Variants in TANK observed in about 807,000 individuals in gnomAD.
The protein encoded by TANK is TRAF family member-associated NF-kappa-B activator.
Under a neutral mutation model 43.6 loss-of-function variants are expected in TANK, and 15 were observed. That is an observed-to-expected ratio of 0.34 (90% CI 0.23 to 0.53). The LOEUF (loss-of-function observed/expected upper bound fraction) is 0.53. Among genes scored for constraint, TANK ranks in the 20% least tolerant of loss-of-function variants. The probability of loss-of-function intolerance (pLI) is 0.94; values close to 1 mark genes in which losing one functional copy is unlikely to be tolerated. For missense variants in TANK, 417 were observed against 498.6 expected (o/e 0.84, Z 1.56); for synonymous variants, 162 against 178.2 (o/e 0.91, Z 0.73).
intron 2 of TANK, among the ~76,000 whole-genome samples, chr2:161,196,312 G>C (rs771063677): frequency 6.6e-6 from 1 of 152,090 alleles, no homozygotes; most frequent in African/African-American, 2.4e-5. Context: ...GCTTCCCCAG[G>C]AACAGTTGGC....
At chr2:161,166,619 T>A (rs374512932) in intron 1 of TANK, among the ~76,000 whole-genome samples, 1 of 152,248 alleles carries the variant, frequency 6.6e-6, no homozygotes, top group African/African-American at 2.4e-5. Context: ...GTAACTAAGA[T>A]ACAGAAAAGA....
chr2:161,230,906 G>A, intron 6 of TANK, 65 bp from the exon 7 acceptor site: 1 of 1,254,290 alleles, frequency 8.0e-7, no homozygotes, highest in South Asian at 1.3e-5. Context: ...CTCCAAAGCT[G>A]ATTGAACAGA....
intron 2 of TANK, among the ~76,000 whole-genome samples, chr2:161,196,070 G>T (rs1412782587): frequency 6.6e-6 from 1 of 152,120 alleles, no homozygotes; most frequent in Non-Finnish European, 1.5e-5. Context: ...GCAAGACAGA[G>T]CTCCGAAAGA....
chr2:161,211,626 TA>T, intron 4 of TANK: 1 of 308,236 alleles, frequency 3.2e-6, no homozygotes, highest in Non-Finnish European at 4.7e-6. Context: ...GCACCTCTTC[TA>T]AAAGAGGAAC....
chr2:161,214,119 A>G (rs1376339652), intron 4 of TANK, among the ~76,000 whole-genome samples: 1 of 152,224 alleles, frequency 6.6e-6, no homozygotes, highest in African/African-American at 2.4e-5. Flanking sequence ...TGTGACAGGT[A>G]CAGGTCTTCC....
intron 2 of TANK, among the ~76,000 whole-genome samples, chr2:161,201,806 C>T (rs1487996893): frequency 6.6e-6 from 1 of 152,124 alleles, no homozygotes; most frequent in Non-Finnish European, 1.5e-5. Context: ...AATAAGATGT[C>T]TTATCCTGGG....
Position 161,231,280 on chromosome 2 carries a change from C to A in TANK, c.830C>A (p.Pro277Gln). 1 of 1,614,096 alleles carries A rather than the reference C, an allele frequency of 6.2e-7. No individual in the cohort carries two copies. Residue 277 changes from proline to glutamine, a missense_variant, in exon 7 of 8, where the codon CCA becomes CAA. By Grantham distance (76) the Pro-to-Gln change is moderately conservative. Transcript: ENST00000392749. ...EKFNMEFRDN[P>Q]GNFVKTEETL... ...TTTAATATGGAGTTCAGAGACAACC[C>A]AGGGAACTTTGTTAAAACAGAAGAA...
chr2:161,181,700 G>A (rs572662162), intron 2 of TANK, among the ~76,000 whole-genome samples: 2 of 152,158 alleles, frequency 1.3e-5, no homozygotes, highest in East Asian at 1.9e-4. Context: ...GGGAAAATCC[G>A]CCTCCATGAT....
chr2:161,153,417 C>T (rs1029053139), intron 1 of TANK, among the ~76,000 whole-genome samples: 2 of 151,520 alleles, frequency 1.3e-5, no homozygotes, highest in Admixed American at 6.6e-5. Context: ...GGGTGTGATC[C>T]CTATTCACAC....
intron 4 of TANK, among the ~76,000 whole-genome samples, chr2:161,208,705 C>T (rs1451993787): frequency 6.6e-6 from 1 of 152,186 alleles, no homozygotes; most frequent in Non-Finnish European, 1.5e-5. Flanking sequence ...AGATGAGTCA[C>T]TCACATGACT....
At chr2:161,210,076 GTT>G (rs1686812999) in intron 4 of TANK, among the ~76,000 whole-genome samples, 2 of 152,294 alleles carry the variant, frequency 1.3e-5, no homozygotes, top group South Asian at 2.1e-4. Context: ...CAGTTAAACA[GTT>G]TGCAGATTTC....
intron 4 of TANK, among the ~76,000 whole-genome samples, chr2:161,217,958 C>T (rs1687191178): frequency 6.6e-6 from 1 of 152,066 alleles, no homozygotes; most frequent in Non-Finnish European, 1.5e-5. Flanking sequence ...ATAGAATTAA[C>T]CAGTAGGGTA....
intron 4 of TANK, among the ~76,000 whole-genome samples, chr2:161,214,309 T>C (rs565449105): frequency 9.8e-5 from 15 of 152,336 alleles, no homozygotes; most frequent in African/African-American, 3.6e-4. Flanking sequence ...AAGTAACCAG[T>C]TTACTTGCAA....
intron 1 of TANK, among the ~76,000 whole-genome samples, chr2:161,143,689 T>C (rs1309689905): frequency 1.3e-5 from 2 of 152,102 alleles, no homozygotes; most frequent in East Asian, 3.8e-4. Context: ...TGGATAAGCT[T>C]TTTGATGTGC....
At chr2:161,219,793 C>A (rs1196639500) in intron 4 of TANK, 1 of 447,908 alleles carries the variant, frequency 2.2e-6, no homozygotes, top group Non-Finnish European at 4.5e-6. Flanking sequence ...AGGAAATATT[C>A]AACCTCAGTT....
intron 1 of TANK, among the ~76,000 whole-genome samples, chr2:161,166,659 C>A (rs1460913672): frequency 6.6e-6 from 1 of 152,054 alleles, no homozygotes; most frequent in African/African-American, 2.4e-5. Flanking sequence ...AGTGGCTTGA[C>A]GCCTATAATC....
At chr2:161,211,787 G>T in intron 4 of TANK, 1 of 985,444 alleles carries the variant, frequency 1.0e-6, no homozygotes, top group South Asian at 4.7e-5. Flanking sequence ...GTAGGCTGGG[G>T]CTTAGAGAAC....
At chr2:161,233,401 T>C (rs1688018162) in intron 7 of TANK, among the ~76,000 whole-genome samples, 1 of 151,914 alleles carries the variant, frequency 6.6e-6, no homozygotes, top group African/African-American at 2.4e-5. Flanking sequence ...TGTCTCAAAA[T>C]AATAATAATA....
chr2:161,138,918 C>T (rs1406164485), intron 1 of TANK, among the ~76,000 whole-genome samples: 1 of 152,122 alleles, frequency 6.6e-6, no homozygotes, highest in Non-Finnish European at 1.5e-5. Context: ...CCTCAGTAGA[C>T]ATAGAAGTTC....
Sources: gnomAD v4.1 joint callset for allele counts (sites outside exome capture counted in the v4.1 genomes callset) on GRCh38, gnomAD v4.1.1 for gene constraint, MANE v1.5 for transcripts, NCBI Gene and HGNC (gene_info 2026-07-23, HGNC 2026-07-21) for gene names.